LOC400499: variants seen among roughly 807,000 people sequenced by gnomAD.
the LOC400499 span, among the ~76,000 whole-genome samples, chr16:11,389,417 C>T: frequency 6.6e-6 from 1 of 152,200 alleles, no homozygotes; most frequent in Non-Finnish European, 1.5e-5. Context: ...TGCAGTGGCT[C>T]ATGCCTCTAA....
the LOC400499 span, among the ~76,000 whole-genome samples, chr16:11,501,167 G>A: frequency 1.3e-5 from 2 of 152,046 alleles, no homozygotes; most frequent in Non-Finnish European, 2.9e-5. Context: ...ACCCAGCCCA[G>A]ACCCCGGCAG....
At chr16:11,492,975 G>A in the LOC400499 span, among the ~76,000 whole-genome samples, 1 of 152,128 alleles carries the variant, frequency 6.6e-6, no homozygotes, top group Admixed American at 6.6e-5. Context: ...ACATCTGGAG[G>A]AAAAGTGTAC....
the LOC400499 span, among the ~76,000 whole-genome samples, chr16:11,523,944 C>G: frequency 7.4e-6 from 1 of 135,152 alleles, no homozygotes; most frequent in Non-Finnish European, 1.6e-5. Context: ...CCCCAATTCC[C>G]CTATCCATCC....
chr16:11,392,375 TTGGCAGC>T, the LOC400499 span: 4 of 398,728 alleles, frequency 1.0e-5, no homozygotes, highest in Non-Finnish European at 1.8e-5. Context: ...GAGACTCTGG[TTGGCAGC>T]CTGCAGGGTC....
the LOC400499 span, among the ~76,000 whole-genome samples, chr16:11,463,471 T>C: frequency 6.7e-6 from 1 of 150,234 alleles, no homozygotes; most frequent in African/African-American, 2.4e-5. Flanking sequence ...TACAGACGTG[T>C]ATGTACACAG....
the LOC400499 span, among the ~76,000 whole-genome samples, chr16:11,388,461 G>A: frequency 6.6e-6 from 1 of 152,120 alleles, no homozygotes; most frequent in Non-Finnish European, 1.5e-5. Flanking sequence ...AGGCAGAGCC[G>A]GATTCCAGAT....
At chr16:11,465,749 T>C in the LOC400499 span, among the ~76,000 whole-genome samples, 60 of 130,692 alleles carry the variant, frequency 4.6e-4, no homozygotes, top group African/African-American at 1.7e-3. Context: ...TAAGACCTTG[T>C]AAAAGAAAGA....
chr16:11,408,140 A>G, the LOC400499 span, among the ~76,000 whole-genome samples: 6 of 151,620 alleles, frequency 4.0e-5, no homozygotes, highest in Admixed American at 1.3e-4. Context: ...GTACCACCAC[A>G]CCCAACTAAT....
the LOC400499 span, chr16:11,447,939 G>T: frequency 6.5e-7 from 1 of 1,535,432 alleles, no homozygotes; most frequent in Non-Finnish European, 8.7e-7. Flanking sequence ...CATACCTAAG[G>T]AGCAAGGCCC....
chr16:11,466,682 C>T, the LOC400499 span, among the ~76,000 whole-genome samples: 1 of 152,174 alleles, frequency 6.6e-6, no homozygotes, highest in African/African-American at 2.4e-5. Context: ...AGCCACCGCA[C>T]CTGGCCTCAC....
the LOC400499 span, among the ~76,000 whole-genome samples, chr16:11,502,678 A>C: frequency 6.7e-6 from 1 of 150,354 alleles, no homozygotes; most frequent in African/African-American, 2.5e-5. Context: ...GCAGTGGCGC[A>C]ATCTCGGCTC....
chr16:11,503,669 C>T, the LOC400499 span, among the ~76,000 whole-genome samples: 1 of 152,246 alleles, frequency 6.6e-6, no homozygotes, highest in Non-Finnish European at 1.5e-5. Context: ...GCAAAACAGG[C>T]CCTCACTGGT....
the LOC400499 span, among the ~76,000 whole-genome samples, chr16:11,469,015 T>C: frequency 3.3e-5 from 5 of 152,244 alleles, no homozygotes; most frequent in Admixed American, 1.3e-4. Flanking sequence ...TTCTTGTTTA[T>C]ACATTTCTGG....
At chr16:11,450,243 C>T in the LOC400499 span, among the ~76,000 whole-genome samples, 8 of 152,262 alleles carry the variant, frequency 5.3e-5, no homozygotes, top group Non-Finnish European at 8.8e-5. Context: ...GAAGCAACAT[C>T]ATGACAGTCA....
the LOC400499 span, among the ~76,000 whole-genome samples, chr16:11,394,157 C>T: frequency 6.6e-6 from 1 of 152,122 alleles, no homozygotes; most frequent in Non-Finnish European, 1.5e-5. Flanking sequence ...TGCATGGGAA[C>T]CACTGCAAAG....
chr16:11,485,132 G>C, the LOC400499 span: 2 of 398,616 alleles, frequency 5.0e-6, no homozygotes, highest in African/African-American at 2.1e-5. Flanking sequence ...GTGATGATGA[G>C]CTGTTAGGCT....
At chr16:11,389,921 G>A in the LOC400499 span, among the ~76,000 whole-genome samples, 3 of 152,156 alleles carry the variant, frequency 2.0e-5, no homozygotes, top group African/African-American at 7.2e-5. Flanking sequence ...CTCGGCCAGT[G>A]CTCACGAGGT....
At chr16:11,475,124 T>C in the LOC400499 span, among the ~76,000 whole-genome samples, 2 of 152,182 alleles carry the variant, frequency 1.3e-5, no homozygotes, top group Non-Finnish European at 2.9e-5. Flanking sequence ...GATTCAGTCA[T>C]GTGACCATAC....
chr16:11,378,781 G>A, the LOC400499 span, among the ~76,000 whole-genome samples: 13 of 152,174 alleles, frequency 8.5e-5, no homozygotes, highest in African/African-American at 3.1e-4. Context: ...CATTTCAAAT[G>A]TATTAAATCT....
Sources: allele counts gnomAD v4.1 joint callset (sites outside exome capture counted in the v4.1 genomes callset), GRCh38; gene constraint gnomAD v4.1.1; transcripts MANE v1.5.